Variants in DCLK1 observed in about 807,000 individuals in gnomAD.
DCLK1 encodes the protein serine/threonine-protein kinase DCLK1.
In DCLK1, 16 loss-of-function variants were observed where a neutral mutation model predicts 86.2. The ratio of observed to expected loss-of-function variants is 0.19; its 90% CI spans 0.13 to 0.28. The LOEUF is 0.28. DCLK1 is among the 10% of genes least tolerant of loss of function. The pLI is 1.00. For synonymous variants in DCLK1, 369 were observed against 370.5 expected (o/e 1.00, Z 0.05); for missense variants, 590 against 940.2 (o/e 0.63, Z 4.87).
At chr13:35,817,374 A>G (rs991338226) in intron 11 of DCLK1, among the ~76,000 whole-genome samples, 24 of 151,972 alleles carry the variant, frequency 1.6e-4, no homozygotes, top group South Asian at 8.3e-4. Context: ...AGAGAGTAGA[A>G]TTTTTTTTCT....
At chr13:35,893,134 A>C (rs1278962748) in intron 4 of DCLK1, among the ~76,000 whole-genome samples, 1 of 152,248 alleles carries the variant, frequency 6.6e-6, no homozygotes, top group Non-Finnish European at 1.5e-5. Flanking sequence ...AGACAAAACC[A>C]AAGACATCTA....
intron 3 of DCLK1, among the ~76,000 whole-genome samples, chr13:35,991,522 T>TGTGG (rs780687381): frequency 1.2e-4 from 18 of 151,750 alleles, no homozygotes; most frequent in Non-Finnish European, 2.2e-4. Flanking sequence ...ATTAGCCAGG[T>TGTGG]GTGGTGGTGC....
intron 3 of DCLK1, among the ~76,000 whole-genome samples, chr13:36,064,200 A>G (rs1388513091): frequency 1.3e-5 from 2 of 152,232 alleles, no homozygotes; most frequent in East Asian, 3.9e-4. Flanking sequence ...TGAAGCATCC[A>G]CTAATCTGAG....
At chr13:35,993,208 C>G (rs966571691) in intron 3 of DCLK1, among the ~76,000 whole-genome samples, 10 of 152,186 alleles carry the variant, frequency 6.6e-5, no homozygotes, top group African/African-American at 2.4e-4. Flanking sequence ...AAGACCAACT[C>G]AACTCTCACT....
intron 4 of DCLK1, among the ~76,000 whole-genome samples, chr13:35,942,388 G>C (rs918299461): frequency 6.6e-5 from 10 of 152,226 alleles, no homozygotes; most frequent in African/African-American, 2.2e-4. Context: ...GGATGGTCTT[G>C]ATCTCCTGAC....
chr13:35,852,852 C>T (rs1870756109), intron 6 of DCLK1, among the ~76,000 whole-genome samples: 1 of 152,186 alleles, frequency 6.6e-6, no homozygotes, highest in Non-Finnish European at 1.5e-5. Context: ...TTCCCAATCA[C>T]TCTTAATGTC....
At chr13:35,788,882 A>G (rs550634305) in intron 16 of DCLK1, among the ~76,000 whole-genome samples, 1 of 152,376 alleles carries the variant, frequency 6.6e-6, no homozygotes, top group East Asian at 1.9e-4. Context: ...TTACATTTCT[A>G]AACTAAGAAG....
chr13:35,926,601 A>C (rs953013726), intron 4 of DCLK1, among the ~76,000 whole-genome samples: 1 of 152,208 alleles, frequency 6.6e-6, no homozygotes, highest in Non-Finnish European at 1.5e-5. Context: ...TAAATAGTTC[A>C]CACTAAAGAT....
chr13:36,099,734 T>A (rs1239809676), intron 3 of DCLK1, among the ~76,000 whole-genome samples: 3 of 152,236 alleles, frequency 2.0e-5, no homozygotes, highest in Admixed American at 6.5e-5. Flanking sequence ...TGATCCAATT[T>A]GGCAAAACCA....
intron 3 of DCLK1, among the ~76,000 whole-genome samples, chr13:35,999,194 G>T (rs1158098021): frequency 6.6e-6 from 1 of 151,992 alleles, no homozygotes; most frequent in Non-Finnish European, 1.5e-5. Flanking sequence ...GGCAGAGGTT[G>T]CAGTGAGCCG....
chr13:36,111,192 T>C (rs930588840), intron 3 of DCLK1, among the ~76,000 whole-genome samples: 3 of 152,220 alleles, frequency 2.0e-5, no homozygotes, highest in Non-Finnish European at 2.9e-5. Context: ...TGTACAAAAA[T>C]AGTCCACCCA....
At chr13:36,086,092 T>C (rs909811013) in intron 3 of DCLK1, among the ~76,000 whole-genome samples, 6 of 152,188 alleles carry the variant, frequency 3.9e-5, no homozygotes, top group Non-Finnish European at 8.8e-5. Flanking sequence ...GGTTCATCCT[T>C]CCTTGGCTAC....
In DCLK1 at chr13:35,976,697, AT is replaced by A. The variant is rs543849181; in HGVS notation, c.724-29241del. 3.6e-3 allele frequency among the ~76,000 whole-genome samples: 533 copies of A among 146,702 alleles called. 1 individual carries two copies. The highest frequency in any genetic ancestry group is 6.0e-3 in the Non-Finnish European group (395 of 66,128). Reference sequence around the variant, plus strand: ...AGGCGCCCGCCACTGCGCCCGGCTAATTTTTTTTTTGTATTTTTAGTAGAGA... The same window carrying A: ...AGGCGCCCGCCACTGCGCCCGGCTAATTTTTTTTTGTATTTTTAGTAGAGA... On this transcript the variant is annotated intron_variant, in intron 3 of 16. Coordinates refer to ENST00000360631, the MANE Select transcript of DCLK1 (RefSeq NM_001330071.2).
At chr13:35,943,263 T>A (rs987332996) in intron 4 of DCLK1, among the ~76,000 whole-genome samples, 4 of 152,080 alleles carry the variant, frequency 2.6e-5, no homozygotes, top group African/African-American at 9.7e-5. Context: ...CTGGCAGCCA[T>A]CAGAAACTTG....
chr13:35,806,603 G>A (rs566294210), intron 14 of DCLK1, among the ~76,000 whole-genome samples: 2 of 152,288 alleles, frequency 1.3e-5, no homozygotes, highest in East Asian at 1.9e-4. Flanking sequence ...CTCGGGAAGG[G>A]GGTGATTTAA....
At chr13:35,788,039 A>T (rs1048177647) in intron 16 of DCLK1, 73 of 662,558 alleles carry the variant, frequency 1.1e-4, no homozygotes, top group Non-Finnish European at 1.4e-4. Flanking sequence ...ATGGGTGAAA[A>T]AAAGGAATGA....
chr13:36,039,729 A>C (rs1172028974), intron 3 of DCLK1, among the ~76,000 whole-genome samples: 1 of 152,134 alleles, frequency 6.6e-6, no homozygotes, highest in Non-Finnish European at 1.5e-5. Flanking sequence ...CTAAACAAAG[A>C]CCTAATTTAA....
At chr13:36,016,885 G>A (rs1276286594) in intron 3 of DCLK1, among the ~76,000 whole-genome samples, 2 of 152,064 alleles carry the variant, frequency 1.3e-5, no homozygotes, top group South Asian at 2.1e-4. Flanking sequence ...CACGGTGTGC[G>A]TACTTCACAT....
intron 4 of DCLK1, among the ~76,000 whole-genome samples, chr13:35,946,163 C>T (rs1415593031): frequency 1.3e-5 from 2 of 152,108 alleles, no homozygotes; most frequent in Non-Finnish European, 2.9e-5. Context: ...CAGGCGTGCA[C>T]CACCATGCCC....
Sources: allele counts gnomAD v4.1 joint callset (sites outside exome capture counted in the v4.1 genomes callset), GRCh38; gene constraint gnomAD v4.1.1; transcripts MANE v1.5; gene names NCBI Gene and HGNC (gene_info 2026-07-23, HGNC 2026-07-21).